The following LRRTM4 variants were observed in gnomAD, a reference collection of about 807,000 sequenced individuals.
LRRTM4 encodes leucine rich repeat transmembrane neuronal 4.
LRRTM4 carries 25 observed loss-of-function variants against 47.6 expected under a neutral mutation model. That is an observed-to-expected ratio of 0.53 (90% CI 0.38 to 0.73). The LOEUF is 0.73. Among genes scored for constraint, LRRTM4 ranks in the 30% least tolerant of loss-of-function variants. The pLI, the probability that LRRTM4 is intolerant of heterozygous loss-of-function variation, is 0.00. For synonymous variants in LRRTM4, 311 were observed against 269.5 expected, an observed-to-expected ratio of 1.15 and a Z score of -1.51; for missense variants, 638 against 713.4, an observed-to-expected ratio of 0.89 and a Z score of 1.20.
At chr2:77,020,759 T>C (rs765030036) in intron 3 of LRRTM4, among the ~76,000 whole-genome samples, 17 of 152,164 alleles carry the variant, frequency 1.1e-4, no homozygotes, top group Non-Finnish European at 2.4e-4. Context: ...AAAGAAATGG[T>C]ATCTCTCAGC....
chr2:77,086,521 AG>A (rs1365835642), intron 3 of LRRTM4, among the ~76,000 whole-genome samples: 1 of 138,288 alleles, frequency 7.2e-6, no homozygotes, highest in East Asian at 2.1e-4. Context: ...CTTTTTGCCC[AG>A]GCTGGAGGGC....
rs146479566 is a variant in LRRTM4 at position 77,484,029 on chromosome 2, A to G, written c.1551+34289T>C. Among the ~76,000 whole-genome samples, 59 of 152,306 alleles carry G rather than the reference A, an allele frequency of 3.9e-4. 1 individual carries two copies. The East Asian group carries it at 9.8e-3, about 25-fold the overall frequency. On this transcript the variant is annotated intron_variant, in intron 3 of 3. Coordinates refer to ENST00000409884, the MANE Select transcript of LRRTM4 (RefSeq NM_001134745.3). ...AAGTTTGTCTAAGATCCCAAAGCAT[A>G]TATGTTGTTGTGTTACCATTAGATA...
At chr2:76,946,951 T>C (rs1292750787) in intron 3 of LRRTM4, among the ~76,000 whole-genome samples, 2 of 151,850 alleles carry the variant, frequency 1.3e-5, no homozygotes, top group African/African-American at 4.8e-5. Context: ...AAAGGCCAAG[T>C]TCCTTTGTTT....
chr2:77,070,154 G>A (rs1167670814), intron 3 of LRRTM4, among the ~76,000 whole-genome samples: 2 of 151,974 alleles, frequency 1.3e-5, no homozygotes, highest in African/African-American at 2.4e-5. Flanking sequence ...AAATATATCC[G>A]AGTTTGAAAT....
intron 3 of LRRTM4, among the ~76,000 whole-genome samples, chr2:77,161,598 T>A (rs527773673): frequency 6.6e-6 from 1 of 152,136 alleles, no homozygotes; most frequent in South Asian, 2.1e-4. Context: ...TGTCTGTGAG[T>A]TTTTTCAAAT....
At chr2:76,797,573 C>T (rs564098953) in intron 3 of LRRTM4, among the ~76,000 whole-genome samples, 5 of 150,906 alleles carry the variant, frequency 3.3e-5, no homozygotes, top group Admixed American at 6.6e-5. Flanking sequence ...AGCAAAAGAG[C>T]GAGCTAACAT....
intron 3 of LRRTM4, among the ~76,000 whole-genome samples, chr2:77,400,648 T>A (rs1673913915): frequency 6.6e-6 from 1 of 151,864 alleles, no homozygotes; most frequent in Non-Finnish European, 1.5e-5. Flanking sequence ...CGGTGAATTA[T>A]GTACTCCTCC....
At chr2:77,176,353 T>G (rs902217175) in intron 3 of LRRTM4, among the ~76,000 whole-genome samples, 7 of 152,178 alleles carry the variant, frequency 4.6e-5, no homozygotes, top group Admixed American at 1.3e-4. Context: ...GACCAATGAT[T>G]TCAGTTTGCC....
intron 3 of LRRTM4, among the ~76,000 whole-genome samples, chr2:77,061,919 G>C (rs960804197): frequency 2.6e-5 from 4 of 152,158 alleles, no homozygotes; most frequent in African/African-American, 9.7e-5. Context: ...ATAGTTGATA[G>C]CTGTTAATGA....
chr2:77,430,576 A>C (rs113114971), intron 3 of LRRTM4, among the ~76,000 whole-genome samples: 5,551 of 146,372 alleles, frequency 0.038, 427 homozygotes, highest in African/African-American at 0.14. Flanking sequence ...ACAAAATTAG[A>C]CGGGCGTGGT....
chr2:77,190,750 T>C (rs1673646412), intron 3 of LRRTM4, among the ~76,000 whole-genome samples: 1 of 152,122 alleles, frequency 6.6e-6, no homozygotes, highest in African/African-American at 2.4e-5. Flanking sequence ...GCACACACAA[T>C]ACAAAATTTG....
chr2:77,281,279 A>C (rs553368899), intron 3 of LRRTM4, among the ~76,000 whole-genome samples: 1 of 151,932 alleles, frequency 6.6e-6, no homozygotes, highest in South Asian at 2.1e-4. Context: ...GGTCATTCTT[A>C]GGATTGAAGA....
intron 3 of LRRTM4, among the ~76,000 whole-genome samples, chr2:76,865,006 TCTTA>T (rs1169583115): frequency 2.0e-5 from 3 of 151,804 alleles, no homozygotes; most frequent in African/African-American, 4.8e-5. Flanking sequence ...AAATCTTGAT[TCTTA>T]CTTAATTATA....
chr2:76,970,320 G>C (rs1390854681), intron 3 of LRRTM4, among the ~76,000 whole-genome samples: 1 of 151,820 alleles, frequency 6.6e-6, no homozygotes, highest in Non-Finnish European at 1.5e-5. Context: ...ATTTCATATT[G>C]ATCAATTTTG....
chr2:77,490,445 G>A (rs969200627), intron 3 of LRRTM4, among the ~76,000 whole-genome samples: 4 of 151,946 alleles, frequency 2.6e-5, no homozygotes, highest in African/African-American at 9.7e-5. Context: ...TCATAGGAAA[G>A]AAAAGAAACA....
intron 3 of LRRTM4, among the ~76,000 whole-genome samples, chr2:76,962,474 G>A (rs1188194921): frequency 1.3e-5 from 2 of 150,694 alleles, no homozygotes; most frequent in Non-Finnish European, 3.0e-5. Flanking sequence ...AGAGGTATAT[G>A]ATTATTTACT....
At chr2:77,050,876 A>G (rs760403653) in intron 3 of LRRTM4, among the ~76,000 whole-genome samples, 2 of 152,176 alleles carry the variant, frequency 1.3e-5, no homozygotes, top group Non-Finnish European at 2.9e-5. Flanking sequence ...GATATTATTC[A>G]TCAGTACTCT....
chr2:77,455,858 C>T (rs114032184), intron 3 of LRRTM4, among the ~76,000 whole-genome samples: 134 of 152,206 alleles, frequency 8.8e-4, no homozygotes, highest in African/African-American at 3.0e-3. Context: ...CCCACTCTCC[C>T]GATATCACTC....
At chr2:76,941,291 G>C (rs1031566139) in intron 3 of LRRTM4, among the ~76,000 whole-genome samples, 1 of 152,060 alleles carries the variant, frequency 6.6e-6, no homozygotes, top group Admixed American at 6.6e-5. Flanking sequence ...AAAAGTTGCT[G>C]TTTGTGTAAA....
Sources: allele counts gnomAD v4.1 joint callset (sites outside exome capture counted in the v4.1 genomes callset), GRCh38; gene constraint gnomAD v4.1.1; transcripts MANE v1.5; gene names NCBI Gene and HGNC (gene_info 2026-07-23, HGNC 2026-07-21).